XKR7: variants seen among roughly 807,000 people sequenced by gnomAD.
XKR7 encodes XK related 7, also known as XK-related protein 7.
In XKR7, 11 loss-of-function variants were observed where a neutral mutation model predicts 42.2. That is an observed-to-expected ratio of 0.26 (90% CI 0.16 to 0.43). The LOEUF (loss-of-function observed/expected upper bound fraction) is 0.43, where lower values mean the gene tolerates loss of function less well. XKR7 is among the 20% of genes least tolerant of loss of function. XKR7 has a pLI of 1.00. For missense variants in XKR7, 710 were observed against 802.2 expected, an observed-to-expected ratio of 0.89 and a Z score of 1.39; for synonymous variants, 346 against 366.4, an observed-to-expected ratio of 0.94 and a Z score of 0.64.
intron 1 of XKR7, among the ~76,000 whole-genome samples, chr20:31,988,093 G>C (rs771858894): frequency 2.6e-5 from 4 of 152,200 alleles, no homozygotes; most frequent in Non-Finnish European, 5.9e-5. Context: ...TCCAGGCTTG[G>C]GCCCAGGTTT....
Position 31,968,493 on chromosome 20 carries a change from A to G in XKR7, c.318A>G (p.Leu106=), listed in dbSNP as rs1442209093. 6.2e-7 allele frequency: 1 copy of G among 1,613,556 alleles called. No homozygotes were observed. The highest frequency in any genetic ancestry group is 1.3e-5 in the African/African-American group (1 of 74,916). ...FVLLPSLVVQ[L]LSFRWFVYDY... is the part of the protein sequence containing the mutation. Reference sequence around the variant, plus strand: ...TCCTGCCCTCGCTGGTCGTGCAGTTACTGAGCTTCCGCTGGTTCGTCTACG... The same window carrying G: ...TCCTGCCCTCGCTGGTCGTGCAGTTGCTGAGCTTCCGCTGGTTCGTCTACG... Residue 106 remains leucine, a synonymous_variant, in exon 1 of 3, where the codon TTA becomes TTG. Transcript: ENST00000562532. The surrounding 1 kb of genome is among the most constrained non-coding windows in gnomAD (Gnocchi z 4.5).
At position 31,981,431 on chromosome 20, in the gene XKR7, C is replaced by T. The variant is rs193020988; in HGVS notation, c.584+12672C>T. Among the ~76,000 whole-genome samples the T allele has an allele frequency of 4.0e-3, 609 of 152,272 alleles. 3 individuals carry two copies. Among genetic ancestry groups the T allele is most frequent in the Middle Eastern group, 0.01 (3 of 294 alleles). ...GACCAGCCAGTCACAGTGGCTCACG[C>T]CTGTAATCCCAGCCCTTTGGGAGGC... is the stretch of plus-strand genomic sequence containing the variant. On this transcript the variant is annotated intron_variant, in intron 1 of 2. Transcript: ENST00000562532.
intron 1 of XKR7, among the ~76,000 whole-genome samples, chr20:31,989,775 G>A (rs2064561045): frequency 6.6e-6 from 1 of 152,144 alleles, no homozygotes; most frequent in African/African-American, 2.4e-5. Context: ...CACCACATCG[G>A]CCAATTTTTA....
chr20:31,977,037 T>C (rs901278225), intron 1 of XKR7, among the ~76,000 whole-genome samples: 2 of 152,182 alleles, frequency 1.3e-5, no homozygotes, highest in Admixed American at 6.5e-5. Flanking sequence ...GTGCTGAATG[T>C]GCGAGCTTTC....
Position 31,995,281 on chromosome 20 carries a change from C to T in XKR7, c.787+11C>T, listed in dbSNP as rs2064586343. On this transcript the variant is annotated intron_variant, in intron 2 of 2. Transcript: ENST00000562532. This position sits in a 1 kb window ranked among gnomAD's most constrained non-coding sequence, Gnocchi z 4.1. ...CCGACCTGCTGCCGGGTGAGCCCGC[C>T]CCTTCACCCTCTGCGCCTGGGACCA... 3.3e-6 allele frequency: 5 copies of T among 1,534,148 alleles called. No individual in the cohort carries two copies. Among genetic ancestry groups the T allele is most frequent in the Non-Finnish European group, 3.5e-6 (4 of 1,146,040 alleles).
At chr20:31,983,346 G>A (rs2064522230) in intron 1 of XKR7, among the ~76,000 whole-genome samples, 1 of 152,168 alleles carries the variant, frequency 6.6e-6, no homozygotes, top group South Asian at 2.1e-4. Flanking sequence ...AAAAAAACAG[G>A]GTAACATGAC....
intron 1 of XKR7, among the ~76,000 whole-genome samples, chr20:31,986,146 A>C (rs1401177318): frequency 6.6e-6 from 1 of 150,592 alleles, no homozygotes; most frequent in Non-Finnish European, 1.5e-5. Context: ...ACAGACAGAC[A>C]GACAGACAGA....
At chr20:31,979,198 A>C (rs1434764219) in intron 1 of XKR7, among the ~76,000 whole-genome samples, 1 of 151,604 alleles carries the variant, frequency 6.6e-6, no homozygotes, top group Non-Finnish European at 1.5e-5. Context: ...TGGAATTATG[A>C]TTTCTTTTTT....
rs1568875511 is a variant in XKR7 at position 31,968,553 on chromosome 20, C to T, written c.378C>T (p.Ala126=). ...AGCCCGCAGGGTCCCCGGGACCCGCCGTCAGCACCAAGGACAGCGTAGCCG... is the reference window on the plus strand; with the variant it reads ...AGCCCGCAGGGTCCCCGGGACCCGCTGTCAGCACCAAGGACAGCGTAGCCG... ...YSEPAGSPGP[A]VSTKDSVAGG... The change falls in exon 1 of 3, where the codon GCC becomes GCT. Residue 126 remains alanine (A), a synonymous_variant. Coordinates refer to ENST00000562532, the MANE Select transcript of XKR7 (RefSeq NM_001011718.2). This position sits in a 1 kb window ranked among gnomAD's most constrained non-coding sequence, Gnocchi z 4.5. 4 of 1,610,654 alleles carry T rather than the reference C, an allele frequency of 2.5e-6. No homozygotes were observed. Among genetic ancestry groups the T allele is most frequent in the East Asian group, 2.2e-5 (1 of 44,730 alleles).
chr20:31,985,569 G>C (rs193148041), intron 1 of XKR7, among the ~76,000 whole-genome samples: 38 of 151,910 alleles, frequency 2.5e-4, no homozygotes, highest in Admixed American at 2.5e-3. Context: ...CCACCAAGTG[G>C]ACCTAGCATC....
At chr20:31,983,947 CAATA>C (rs59966453) in intron 1 of XKR7, among the ~76,000 whole-genome samples, 73,069 of 145,184 alleles carry the variant, frequency 0.5, 21,620 homozygotes, top group African/African-American at 0.84. Flanking sequence ...GACTCTGTCT[CAATA>C]AATAAATAAA....
Position 31,968,348 on chromosome 20 carries a change from G to A in XKR7, c.173G>A (p.Cys58Tyr). The part of the protein sequence containing the change: ...PGPRYELRDC[C>Y]WVLCALLVFF... ...CCGCGCTACGAGCTGCGGGACTGCT[G>A]CTGGGTGCTGTGCGCGCTGCTCGTG... The change falls in exon 1 of 3, where the codon TGC (cysteine) becomes TAC (tyrosine). Residue 58 changes from cysteine to tyrosine, a missense_variant. Around this residue, in one of 2 missense-constraint regions of XKR7, gnomAD observed 708 missense variants for 786.2 expected, o/e 0.90. Coordinates refer to ENST00000562532, the MANE Select transcript of XKR7 (RefSeq NM_001011718.2). This position sits in a 1 kb window ranked among gnomAD's most constrained non-coding sequence, Gnocchi z 4.5. 1 of 1,604,262 alleles carries A rather than the reference G, an allele frequency of 6.2e-7. No homozygotes were observed. Among genetic ancestry groups the A allele is most frequent in the Non-Finnish European group, 8.5e-7 (1 of 1,177,890 alleles).
Position 31,995,218 on chromosome 20 carries a change from G to C in XKR7, c.735G>C (p.Val245=). 6.5e-7 allele frequency: 1 copy of C among 1,545,082 alleles called. No individual in the cohort carries two copies. Among genetic ancestry groups the C allele is most frequent in the Non-Finnish European group, 8.7e-7 (1 of 1,146,320 alleles). The part of the protein sequence containing the change: ...ETFLRSAPQL[V]LQLSLLVHRG... ...TCCTGCGCAGCGCGCCGCAGCTAGT[G>C]CTGCAGCTCAGCCTGCTGGTGCACC... Residue 245 remains valine, a synonymous_variant, in exon 2 of 3, where the codon GTG becomes GTC. Transcript: ENST00000562532. This position sits in a 1 kb window ranked among gnomAD's most constrained non-coding sequence, Gnocchi z 4.1.
chr20:31,995,109 G>T lies in XKR7; in HGVS notation c.626G>T (p.Arg209Leu), dbSNP rs1480411319. The part of the protein sequence containing the change: ...ALYLGLQSRW[R>L]GERLRRHFYW... ...TACCTGGGGCTGCAGAGCCGCTGGC[G>T]CGGGGAGCGGCTGCGGCGCCACTTC... Residue 209 changes from arginine to leucine, a missense_variant, in exon 2 of 3, where the codon CGC (arginine) becomes CTC (leucine). By Grantham distance (102) the Arg-to-Leu change is moderately radical. Around this residue, in one of 2 missense-constraint regions of XKR7, gnomAD observed 708 missense variants for 786.2 expected, o/e 0.90. Coordinates refer to ENST00000562532, the MANE Select transcript of XKR7 (RefSeq NM_001011718.2). This position sits in a 1 kb window ranked among gnomAD's most constrained non-coding sequence, Gnocchi z 4.1. 4 of 1,557,130 alleles carry T rather than the reference G, an allele frequency of 2.6e-6. No individual in the cohort carries two copies. The highest frequency in any genetic ancestry group is 4.8e-5 in the East Asian group (2 of 41,848).
chr20:31,997,300 C>T lies in XKR7; in HGVS notation c.1583C>T (p.Pro528Leu). 5 of 1,611,912 alleles carry T rather than the reference C, an allele frequency of 3.1e-6. No individual in the cohort carries two copies. Among genetic ancestry groups the T allele is most frequent in the Non-Finnish European group, 4.2e-6 (5 of 1,180,016 alleles). Residue 528 changes from proline (P) to leucine (L), a missense_variant, in exon 3 of 3, where the codon CCT becomes CTT. Around this residue, in one of 2 missense-constraint regions of XKR7, gnomAD observed 708 missense variants for 786.2 expected, o/e 0.90. Coordinates refer to ENST00000562532, the MANE Select transcript of XKR7 (RefSeq NM_001011718.2). ...TEGPVIRIDL[P>L]RKKYPAWDAH... ...GGGCCTGTCATCCGGATTGACTTGC[C>T]TCGCAAGAAGTACCCGGCCTGGGAT...
chr20:31,992,570 G>A (rs2064574622), intron 1 of XKR7, among the ~76,000 whole-genome samples: 1 of 152,200 alleles, frequency 6.6e-6, no homozygotes, highest in Admixed American at 6.5e-5. Flanking sequence ...CATGGCACAG[G>A]AGAGTTGGAC....
Position 31,968,255 on chromosome 20 carries a change from C to A in XKR7, c.80C>A (p.Ala27Asp). 1 of 1,134,258 alleles carries A rather than the reference C, an allele frequency of 8.8e-7. No homozygotes were observed. The highest frequency in any genetic ancestry group is 1.1e-6 in the Non-Finnish European group (1 of 926,420). The allele number at this position is 1,134,258 out of a possible 1,614,324, so 70.3% of individuals were successfully genotyped here. ...GCTGCCGGTGGAGCCCGGGGCAGTG[C>A]CGGCGGGCGCGGGGAGGCGGCGGCG... is the stretch of plus-strand genomic sequence containing the variant. Reference protein sequence around the residue: ...EGAAGGARGSAGGRGEAAAAA... With the variant: ...EGAAGGARGSDGGRGEAAAAA... The change falls in exon 1 of 3, where the codon GCC becomes GAC. Residue 27 changes from alanine (A) to aspartate (D), a missense_variant. Ala to Asp is a moderately radical substitution (Grantham distance 126). This residue lies in a region of XKR7 where 708 missense variants were observed against 786.2 expected (regional missense o/e 0.90). Transcript: ENST00000562532. The surrounding 1 kb of genome is among the most constrained non-coding windows in gnomAD (Gnocchi z 4.5).
chr20:32,002,476 T>C lies in XKR7; in HGVS notation c.*5019T>C, dbSNP rs991189477. On this transcript the variant is annotated 3_prime_UTR_variant, in exon 3 of 3. Coordinates refer to ENST00000562532, the MANE Select transcript of XKR7 (RefSeq NM_001011718.2). The stretch of plus-strand genomic sequence containing the variant: ...ATCTGACCCTTTTCCCTGGTCTCCA[T>C]TGTGCTAAACCACCGAACTTGGAGG... 4 of 152,156 alleles carry C rather than the reference T, an allele frequency of 2.6e-5. No individual in the cohort carries two copies. Among genetic ancestry groups the C allele is most frequent in the African/African-American group, 9.7e-5 (4 of 41,408 alleles). The allele number at this position is 152,156 out of a possible 1,614,324, so 9.4% of individuals were successfully genotyped here.
intron 1 of XKR7, among the ~76,000 whole-genome samples, chr20:31,987,826 C>T (rs560045422): frequency 3.3e-5 from 5 of 152,348 alleles, no homozygotes; most frequent in African/African-American, 4.8e-5. Context: ...CCCAGGATCA[C>T]AGGGTCAGAC....
Sources: allele counts gnomAD v4.1 joint callset (sites outside exome capture counted in the v4.1 genomes callset), GRCh38; gene constraint gnomAD v4.1.1; regional missense constraint gnomAD v4.1.1; non-coding constraint Gnocchi (gnomAD v3.1); transcripts MANE v1.5; gene names NCBI Gene and HGNC (gene_info 2026-07-23, HGNC 2026-07-21).